Variants in LRP1B observed in about 807,000 individuals in gnomAD.
The protein encoded by LRP1B is low-density lipoprotein receptor-related protein 1B.
Under a neutral mutation model 556.6 loss-of-function variants are expected in LRP1B, and 217 were observed. The observed-to-expected ratio is 0.39, with a 90% CI of 0.35 to 0.44. The LOEUF (loss-of-function observed/expected upper bound fraction) is 0.44, where lower values mean the gene tolerates loss of function less well. LRP1B is among the 20% of genes least tolerant of loss of function. The pLI, the probability that LRP1B is intolerant of heterozygous loss-of-function variation, is 1.00. For missense variants in LRP1B, 5,053 were observed against 5,620.8 expected, an observed-to-expected ratio of 0.90 and a Z score of 3.23; for synonymous variants, 2,047 against 1,865.8, an observed-to-expected ratio of 1.10 and a Z score of -2.50.
rs115150665 is a variant in LRP1B, at chr2:140,820,767, A to G, written c.5210-6961T>C. Among the ~76,000 whole-genome samples, 987 of 152,256 alleles carry G rather than the reference A, an allele frequency of 6.5e-3. 11 individuals are homozygous for G. Among genetic ancestry groups the G allele is most frequent in the Non-Finnish European group, 8.6e-3 (586 of 68,018 alleles). On this transcript the variant is annotated intron_variant, in intron 31 of 90. Transcript: ENST00000389484. ...TTAAACTGTAGTTCCTGACAACACA[A>G]TGCTAAATATTTCCTTATGTTAGAT...
chr2:142,002,419 TCTC>T (rs1702681742), intron 1 of LRP1B, among the ~76,000 whole-genome samples: 1 of 151,978 alleles, frequency 6.6e-6, no homozygotes, highest in African/African-American at 2.4e-5. Context: ...TAGGGACACA[TCTC>T]TAAACTAATG....
intron 41 of LRP1B, among the ~76,000 whole-genome samples, chr2:140,614,398 A>G (rs1024206851): frequency 1.2e-4 from 18 of 152,042 alleles, no homozygotes; most frequent in Middle Eastern, 3.4e-3. Context: ...TTTTCTTCCT[A>G]GGAGTACTAT....
At chr2:141,202,920 T>C (rs1682102451) in intron 6 of LRP1B, among the ~76,000 whole-genome samples, 1 of 151,794 alleles carries the variant, frequency 6.6e-6, no homozygotes, top group East Asian at 1.9e-4. Flanking sequence ...GATGCTCCCC[T>C]CCCTATGACC....
intron 60 of LRP1B, among the ~76,000 whole-genome samples, chr2:140,472,096 G>A (rs1687795209): frequency 6.6e-6 from 1 of 152,082 alleles, no homozygotes; most frequent in African/African-American, 2.4e-5. Flanking sequence ...TCTAATTTAT[G>A]TCTTTACCTG....
At chr2:140,254,388 T>G (rs1284425166) in intron 86 of LRP1B, among the ~76,000 whole-genome samples, 2 of 152,186 alleles carry the variant, frequency 1.3e-5, no homozygotes, top group African/African-American at 4.8e-5. Flanking sequence ...CCAATGCTCA[T>G]GTGCTGAAAT....
At chr2:142,123,812 A>T (rs1707543870) in intron 1 of LRP1B, among the ~76,000 whole-genome samples, 1 of 151,926 alleles carries the variant, frequency 6.6e-6, no homozygotes, top group Non-Finnish European at 1.5e-5. Flanking sequence ...AGAAACTTTT[A>T]TATACGAGCT....
chr2:140,350,721 A>G, intron 77 of LRP1B, 76 bp downstream of exon 77: 5 of 1,267,750 alleles, frequency 3.9e-6, no homozygotes, highest in Non-Finnish European at 4.4e-6. Context: ...ATTAGATATT[A>G]TATTAGATAA....
At chr2:141,800,734 A>G (rs899702225) in intron 2 of LRP1B, among the ~76,000 whole-genome samples, 1 of 152,208 alleles carries the variant, frequency 6.6e-6, no homozygotes, top group African/African-American at 2.4e-5. Flanking sequence ...AATAGCATTT[A>G]ACCAGAATAG....
chr2:141,278,628 A>G (rs1447083210), intron 3 of LRP1B, among the ~76,000 whole-genome samples: 3 of 152,050 alleles, frequency 2.0e-5, no homozygotes, highest in African/African-American at 7.2e-5. Flanking sequence ...CCCTTAGCTT[A>G]TTTTTATTTC....
intron 24 of LRP1B, among the ~76,000 whole-genome samples, chr2:140,885,799 T>TAAAA (rs3063639): frequency 6.9e-6 from 1 of 144,724 alleles, no homozygotes; most frequent in Non-Finnish European, 1.5e-5. Flanking sequence ...GTAGCAAAAT[T>TAAAA]AAAAAAAAAA....
chr2:140,286,787 A>AT (rs770763530), intron 84 of LRP1B, among the ~76,000 whole-genome samples: 43 of 151,918 alleles, frequency 2.8e-4, no homozygotes, highest in Non-Finnish European at 2.7e-4. Context: ...ATATAACCTT[A>AT]TGTATATATA....
chr2:140,329,546 G>C (rs1490604381), intron 79 of LRP1B, among the ~76,000 whole-genome samples: 3 of 152,064 alleles, frequency 2.0e-5, no homozygotes, highest in Non-Finnish European at 4.4e-5. Flanking sequence ...TTTCAGGAAA[G>C]TCTTAGGATA....
At chr2:140,808,153 G>A (rs2105024263) in intron 32 of LRP1B, among the ~76,000 whole-genome samples, 1 of 150,144 alleles carries the variant, frequency 6.7e-6, no homozygotes, top group South Asian at 2.1e-4. Flanking sequence ...CAGAGCTATA[G>A]GTTGGTCAGC....
At chr2:140,619,074 TACACACACAC>T (rs113009077) in intron 41 of LRP1B, among the ~76,000 whole-genome samples, 4,442 of 146,400 alleles carry the variant, frequency 0.03, 112 homozygotes, top group African/African-American at 0.066. Context: ...TATATCTATC[TACACACACAC>T]ACACACACAC....
At chr2:141,743,421 G>A (rs1323237567) in intron 2 of LRP1B, among the ~76,000 whole-genome samples, 1 of 150,448 alleles carries the variant, frequency 6.6e-6, no homozygotes, top group Non-Finnish European at 1.5e-5. Flanking sequence ...TCTGCTTTTG[G>A]TATCAGGGTA....
rs116045082 is a variant in LRP1B, at chr2:141,996,850, G to C, written c.82+133798C>G. Among the ~76,000 whole-genome samples, 865 of 152,222 alleles carry C rather than the reference G, an allele frequency of 5.7e-3. 7 individuals are homozygous for C. The highest frequency in any genetic ancestry group is 9.2e-3 in the Non-Finnish European group (626 of 68,014). On this transcript the variant is annotated intron_variant, in intron 1 of 90. Transcript: ENST00000389484. ...ACTATTTAGTAAAATGTCAGAGAGA[G>C]AAAAGTAAATCACAAGTGAATCCAA...
intron 1 of LRP1B, among the ~76,000 whole-genome samples, chr2:141,900,593 T>C (rs901962400): frequency 2.0e-5 from 3 of 152,054 alleles, no homozygotes; most frequent in African/African-American, 7.2e-5. Flanking sequence ...CATTTACTCA[T>C]TGCCATGCCT....
chr2:141,246,621 T>C (rs1022562324), intron 5 of LRP1B, among the ~76,000 whole-genome samples: 2 of 152,156 alleles, frequency 1.3e-5, no homozygotes, highest in African/African-American at 4.8e-5. Context: ...GGATAGGTAA[T>C]TCAAATCAAT....
chr2:140,291,767 CAT>C (rs1426996349), intron 84 of LRP1B, among the ~76,000 whole-genome samples: 3 of 152,062 alleles, frequency 2.0e-5, no homozygotes, highest in Admixed American at 6.6e-5. Flanking sequence ...CCACAATAAA[CAT>C]ATGTGTGCAT....
Sources: gnomAD v4.1 joint callset for allele counts (sites outside exome capture counted in the v4.1 genomes callset) on GRCh38, gnomAD v4.1.1 for gene constraint, MANE v1.5 for transcripts, NCBI Gene and HGNC (gene_info 2026-07-23, HGNC 2026-07-21) for gene names.